Variants in PIK3C3 observed in about 807,000 individuals in gnomAD.
PIK3C3 encodes the protein PI3-kinase type 3.
PIK3C3 carries 95 observed loss-of-function variants against 126.1 expected under a neutral mutation model. That is an observed-to-expected ratio of 0.75 (90% CI 0.64 to 0.89). The LOEUF is 0.89. Among genes scored for constraint, PIK3C3 ranks in the 40% least tolerant of loss-of-function variants. PIK3C3 has a pLI of 0.00. For missense variants in PIK3C3, 829 were observed against 1,063.2 expected (o/e 0.78, Z 3.06); for synonymous variants, 374 against 360.0 (o/e 1.04, Z -0.44).
At chr18:42,043,967 G>T in intron 20 of PIK3C3, 150 bp downstream of exon 20, 1 of 541,976 alleles carries the variant, frequency 1.8e-6, no homozygotes, top group Non-Finnish European at 3.3e-6. Context: ...AGTAGTCATT[G>T]ATGCTTTGAC....
chr18:42,021,580 T>TATC (rs1983323444), intron 13 of PIK3C3, among the ~76,000 whole-genome samples: 1 of 152,206 alleles, frequency 6.6e-6, no homozygotes, highest in African/African-American at 2.4e-5. Flanking sequence ...AAACTACTTA[T>TATC]ATCACTTTTT....
intron 24 of PIK3C3, among the ~76,000 whole-genome samples, chr18:42,072,509 A>G (rs1443382143): frequency 6.6e-6 from 1 of 152,088 alleles, no homozygotes; most frequent in Non-Finnish European, 1.5e-5. Context: ...TTGTCTTTGA[A>G]ATTGCATCAT....
chr18:42,001,260 A>C (rs1193300526), intron 9 of PIK3C3, among the ~76,000 whole-genome samples: 1 of 152,212 alleles, frequency 6.6e-6, no homozygotes, highest in Non-Finnish European at 1.5e-5. Flanking sequence ...TGTTACAAAC[A>C]TTTTACATTC....
rs369858262 is a variant in PIK3C3 at position 41,970,309 on chromosome 18, C to T, written c.402-18C>T. On this transcript the variant is annotated intron_variant, in intron 3 of 24. Coordinates refer to ENST00000262039, the MANE Select transcript of PIK3C3 (RefSeq NM_002647.4). ...TGTATTAATTTACTTCTACCCTGAA[C>T]ATTCTCTTTTTCCCTAGCATGTTTC... 4.0e-5 allele frequency: 65 copies of T among 1,610,168 alleles called. No homozygotes were observed. The highest frequency in any genetic ancestry group is 5.4e-5 in the Non-Finnish European group (63 of 1,176,598).
chr18:42,056,608 C>T (rs1007138704), intron 21 of PIK3C3, among the ~76,000 whole-genome samples: 3 of 152,052 alleles, frequency 2.0e-5, no homozygotes, highest in African/African-American at 7.2e-5. Context: ...TATTTCTTTA[C>T]CTCTTTTGGG....
At chr18:42,001,310 CTTAAAAG>C (rs1291359504) in intron 9 of PIK3C3, among the ~76,000 whole-genome samples, 1 of 152,200 alleles carries the variant, frequency 6.6e-6, no homozygotes, top group African/African-American at 2.4e-5. Flanking sequence ...AAAAAGGTCT[CTTAAAAG>C]TTAATGTGCT....
chr18:41,971,503 C>G (rs1980665343), intron 4 of PIK3C3: 1 of 152,056 alleles, frequency 6.6e-6, no homozygotes, highest in Non-Finnish European at 1.5e-5. Context: ...CTTCTCCCAT[C>G]CATAATTAAA....
intron 7 of PIK3C3, 89 bp downstream of exon 7, chr18:41,993,430 A>G: frequency 3.8e-6 from 3 of 783,252 alleles, no homozygotes; most frequent in Non-Finnish European, 6.5e-6. Flanking sequence ...TAAACAAAGT[A>G]ATATATAACT....
chr18:42,013,930 A>G (rs1567983527), intron 11 of PIK3C3, among the ~76,000 whole-genome samples: 2 of 152,214 alleles, frequency 1.3e-5, no homozygotes, highest in Non-Finnish European at 2.9e-5. Flanking sequence ...TTGTTTAATC[A>G]TTAAGTGAAT....
intron 10 of PIK3C3, among the ~76,000 whole-genome samples, chr18:42,012,894 A>G (rs1982894332): frequency 6.6e-6 from 1 of 152,142 alleles, no homozygotes; most frequent in Admixed American, 6.5e-5. Context: ...GAAGCAATCC[A>G]AATTCTCTAA....
chr18:42,041,559 T>C (rs1441059909), intron 19 of PIK3C3, among the ~76,000 whole-genome samples: 1 of 150,344 alleles, frequency 6.7e-6, no homozygotes, highest in Non-Finnish European at 1.5e-5. Flanking sequence ...TTTGTTATTT[T>C]TAAAATATAA....
intron 3 of PIK3C3, among the ~76,000 whole-genome samples, chr18:41,968,805 A>G (rs1334359766): frequency 6.6e-6 from 1 of 150,438 alleles, no homozygotes; most frequent in Admixed American, 6.6e-5. Flanking sequence ...TAAGGAGACA[A>G]TTTTTTTTTG....
At chr18:41,969,869 C>T (rs757156170) in intron 3 of PIK3C3, among the ~76,000 whole-genome samples, 2 of 152,142 alleles carry the variant, frequency 1.3e-5, no homozygotes, top group Non-Finnish European at 2.9e-5. Flanking sequence ...TGGGTAATAG[C>T]ACAGCTGTGA....
chr18:42,007,882 G>A (rs1258885975), intron 10 of PIK3C3, among the ~76,000 whole-genome samples: 2 of 152,074 alleles, frequency 1.3e-5, no homozygotes, highest in East Asian at 1.9e-4. Flanking sequence ...TTGTGGGTAC[G>A]CTTTTAGTAT....
rs186484900 is a variant in PIK3C3 at position 41,975,518 on chromosome 18, G to A, written c.531+5062G>A. ...GAGTGCCAATTTACAAATTTGTGGT[G>A]GGTGAGTACATCTTTCTGGTAACCA... On this transcript the variant is annotated intron_variant, in intron 4 of 24. Transcript: ENST00000262039. 8.5e-5 allele frequency among the ~76,000 whole-genome samples: 13 copies of A among 152,126 alleles called. No homozygotes were observed. The East Asian group carries it at 2.5e-3, about 29-fold the overall frequency.
At chr18:42,010,012 A>G (rs1255475310) in intron 10 of PIK3C3, among the ~76,000 whole-genome samples, 7 of 152,098 alleles carry the variant, frequency 4.6e-5, no homozygotes. Context: ...TCTTTTTTTC[A>G]CAAAAGATTT....
At chr18:42,057,745 A>G in intron 21 of PIK3C3, 138 bp from the exon 22 acceptor site, 2 of 720,494 alleles carry the variant, frequency 2.8e-6, no homozygotes, top group Non-Finnish European at 4.5e-6. Context: ...AGTTAGAAAT[A>G]TCGAAGAATT....
At chr18:41,985,371 C>A (rs1172727887) in intron 4 of PIK3C3, among the ~76,000 whole-genome samples, 1 of 152,054 alleles carries the variant, frequency 6.6e-6, no homozygotes, top group Admixed American at 6.6e-5. Flanking sequence ...CTGTGGAAAT[C>A]ATAAAATTAG....
At chr18:42,064,182 A>C (rs1251408953) in intron 22 of PIK3C3, among the ~76,000 whole-genome samples, 1 of 152,224 alleles carries the variant, frequency 6.6e-6, no homozygotes, top group Non-Finnish European at 1.5e-5. Context: ...TTTTTAATGC[A>C]GCAGAGTACT....
Sources: allele counts gnomAD v4.1 joint callset (sites outside exome capture counted in the v4.1 genomes callset), GRCh38; gene constraint gnomAD v4.1.1; transcripts MANE v1.5; gene names NCBI Gene and HGNC (gene_info 2026-07-23, HGNC 2026-07-21).